ADAMTSL4: variants seen among roughly 807,000 people sequenced by gnomAD.
The protein encoded by ADAMTSL4 is ADAMTS-like protein 4.
A neutral mutation model predicts 122.8 loss-of-function variants in ADAMTSL4; 97 were observed. The ratio of observed to expected loss-of-function variants is 0.79; its 90% CI spans 0.67 to 0.93. ADAMTSL4 has a LOEUF of 0.93. ADAMTSL4 is among the 40% of genes least tolerant of loss of function. ADAMTSL4 has a pLI of 0.00. For missense variants in ADAMTSL4, 1,408 were observed against 1,453.5 expected, an observed-to-expected ratio of 0.97 and a Z score of 0.51; for synonymous variants, 592 against 568.0, an observed-to-expected ratio of 1.04 and a Z score of -0.60.
In ADAMTSL4 at chr1:150,556,039, T is replaced by C; in HGVS notation, c.1372-123T>C. On this transcript the variant is annotated intron_variant, in intron 8 of 18. Coordinates refer to ENST00000271643, the MANE Select transcript of ADAMTSL4 (RefSeq NM_019032.6). The surrounding 1 kb of genome is among the most constrained non-coding windows in gnomAD (Gnocchi z 4.1). ...GGTCTGGCTGGGGATGGTGGGGCTG[T>C]TTTTGTGCTCTCACTTGTGGCACAA... The C allele has an allele frequency of 9.6e-7, 1 of 1,043,430 alleles. No individual in the cohort carries two copies. 64.6% of individuals were successfully genotyped at this position (1,043,430 alleles called of 1,614,324 possible). A position where few individuals can be genotyped will look rare whatever the true frequency, so the allele number is the denominator to read the frequency against.
In ADAMTSL4 at chr1:150,558,949, T is replaced by C; in HGVS notation, c.2560-13T>C. On this transcript the variant is annotated splice_polypyrimidine_tract_variant and intron_variant, in intron 15 of 18. Transcript: ENST00000271643. Reference sequence around the variant, plus strand: ...AGCAGGCCCCTCACACAGGCCGCTCTCCTCCTCCGCAGTGCTCAGCCGAGT... The same window carrying C: ...AGCAGGCCCCTCACACAGGCCGCTCCCCTCCTCCGCAGTGCTCAGCCGAGT... 1 of 1,584,714 alleles carries C rather than the reference T, an allele frequency of 6.3e-7. No individual in the cohort carries two copies. The highest frequency in any genetic ancestry group is 1.8e-5 in the Admixed American group (1 of 56,946).
Position 150,559,566 on chromosome 1 carries a change from A to C in ADAMTSL4, c.2943+100A>C. 6.3e-7 allele frequency: 1 copy of C among 1,577,800 alleles called. No individual in the cohort carries two copies. Among genetic ancestry groups the C allele is most frequent in the Non-Finnish European group, 8.6e-7 (1 of 1,159,394 alleles). On this transcript the variant is annotated intron_variant, in intron 17 of 18. Transcript: ENST00000271643. The surrounding 1 kb of genome is among the most constrained non-coding windows in gnomAD (Gnocchi z 4.1). ...CCCTCCAGGTCTCTCTGTGCCCCAG[A>C]ATAAGCCCAGCCAAGCGTTACCACT...
chr1:150,553,979 C>G lies in ADAMTSL4; in HGVS notation c.988C>G (p.Pro330Ala). Residue 330 changes from proline (P) to alanine (A), a missense_variant, in exon 6 of 19, where the codon CCT (proline) becomes GCT (alanine). Physicochemically the swap from Pro to Ala is conservative, Grantham distance 27. Transcript: ENST00000271643. ...GGTPHGPRLE[P>A]DPQHPGAWLP... is the part of the protein sequence containing the mutation. Reference sequence around the variant, plus strand: ...GACTCCTCACGGGCCCCGCCTGGAGCCTGACCCTCAGCACCCGGGCGCCTG... The same window carrying G: ...GACTCCTCACGGGCCCCGCCTGGAGGCTGACCCTCAGCACCCGGGCGCCTG... The G allele has an allele frequency of 6.2e-7, 1 of 1,611,470 alleles. No homozygotes were observed. The highest frequency in any genetic ancestry group is 8.5e-7 in the Non-Finnish European group (1 of 1,179,336).
chr1:150,560,042 G>A lies in ADAMTSL4; in HGVS notation c.3089-18G>A. The A allele has an allele frequency of 6.2e-7, 1 of 1,614,050 alleles. No individual in the cohort carries two copies. Among genetic ancestry groups the A allele is most frequent in the Non-Finnish European group, 8.5e-7 (1 of 1,180,014 alleles). ...TCCTGGTGACTCTCTTGTGCCCACT[G>A]GCCTCCTCTGTCCCCAGATGATCAA... is the stretch of plus-strand genomic sequence containing the variant. On this transcript the variant is annotated intron_variant, in intron 18 of 18. Transcript: ENST00000271643.
Position 150,553,851 on chromosome 1 carries a change from A to G in ADAMTSL4, c.860A>G (p.Gln287Arg). 1.2e-6 allele frequency: 2 copies of G among 1,614,042 alleles called. No individual in the cohort carries two copies. Among genetic ancestry groups the G allele is most frequent in the African/African-American group, 1.3e-5 (1 of 75,014 alleles). The change falls in exon 6 of 19, where the codon CAG becomes CGG. Residue 287 changes from glutamine (Q) to arginine (R), a missense_variant. Physicochemically the swap from Gln to Arg is conservative, Grantham distance 43. Transcript: ENST00000271643. ...ASPQPRRPSS[Q>R]GWASPQVAGR... is the part of the protein sequence containing the mutation. ...CCTCAGCCACGAAGGCCAAGTTCCC[A>G]GGGTTGGGCCAGTCCCCAGGTAGCA...
Position 150,560,133 on chromosome 1 carries a change from C to CT in ADAMTSL4, c.3162_3163insT (p.Thr1055TyrfsTer44). 1.9e-6 allele frequency: 3 copies of CT among 1,614,126 alleles called. No homozygotes were observed. Among genetic ancestry groups the CT allele is most frequent in the Non-Finnish European group, 2.5e-6 (3 of 1,180,028 alleles). ...CCCGGCTCTGCGTCTACCCCTACTACACAGCCACCTGTTGCCGCTCTTGCG... is the reference window on the plus strand; with the variant it reads ...CCCGGCTCTGCGTCTACCCCTACTACTACAGCCACCTGTTGCCGCTCTTGCG... On this transcript the variant is annotated frameshift_variant, in exon 19 of 19. Transcript: ENST00000271643. LOFTEE classifies it high-confidence loss of function.
chr1:150,554,387 A>AC lies in ADAMTSL4; in HGVS notation c.1159dup (p.Arg387ProfsTer9), dbSNP rs771243690. The stretch of plus-strand genomic sequence containing the variant: ...CAGCCCTGCCCCCCTGAGCAGCCAG[A>AC]CCCCCGGGCCCTGCAGTGCGCAGCC... On this transcript the variant is annotated frameshift_variant, in exon 7 of 19. Transcript: ENST00000271643. LOFTEE classifies it high-confidence loss of function. This position sits in a 1 kb window ranked among gnomAD's most constrained non-coding sequence, Gnocchi z 4.0. The AC allele has an allele frequency of 6.2e-6, 10 of 1,612,694 alleles. No homozygotes were observed. The African/African-American group carries it at 1.1e-4, about 17-fold the overall frequency.
Position 150,559,902 on chromosome 1 carries a change from C to T in ADAMTSL4, c.3085C>T (p.Pro1029Ser), listed in dbSNP as rs913707339. The T allele has an allele frequency of 3.0e-5, 49 of 1,613,806 alleles. No individual in the cohort carries two copies. The highest frequency in any genetic ancestry group is 3.9e-5 in the Non-Finnish European group (46 of 1,180,016). ...TAACAGCCAACCCTGCAGCCAGCGC[C>T]CTGGTAAAGAGCCCCCTCTCCCCAA... Reference protein sequence around the residue: ...PCNSQPCSQRPDDQCKDSSPH... With the variant: ...PCNSQPCSQRSDDQCKDSSPH... Residue 1029 changes from proline (P) to serine (S), a missense_variant, in exon 18 of 19, where the codon CCT (proline) becomes TCT (serine). Pro to Ser is a moderately conservative substitution (Grantham distance 74). Transcript: ENST00000271643. This position sits in a 1 kb window ranked among gnomAD's most constrained non-coding sequence, Gnocchi z 4.1.
At chr1:150,555,170 A>G (rs1377822103) in intron 7 of ADAMTSL4, among the ~76,000 whole-genome samples, 1 of 151,872 alleles carries the variant, frequency 6.6e-6, no homozygotes, top group East Asian at 1.9e-4. Flanking sequence ...TTGTATTTGT[A>G]GTGGAGATGG....
chr1:150,559,899 C>T lies in ADAMTSL4; in HGVS notation c.3082C>T (p.Arg1028Cys), dbSNP rs757835163. 8.7e-6 allele frequency: 14 copies of T among 1,613,758 alleles called. 1 individual carries two copies. In the Middle Eastern group the frequency reaches 6.6e-4, roughly 76 times the overall value. Reference sequence around the variant, plus strand: ...CTGTAACAGCCAACCCTGCAGCCAGCGCCCTGGTAAAGAGCCCCCTCTCCC... The same window carrying T: ...CTGTAACAGCCAACCCTGCAGCCAGTGCCCTGGTAAAGAGCCCCCTCTCCC... ...RPCNSQPCSQRPDDQCKDSSP... is the reference protein window; with the variant it reads ...RPCNSQPCSQCPDDQCKDSSP... The change falls in exon 18 of 19, where the codon CGC becomes TGC. Residue 1028 changes from arginine (R) to cysteine (C), a missense_variant. Physicochemically the swap from Arg to Cys is radical, Grantham distance 180. Coordinates refer to ENST00000271643, the MANE Select transcript of ADAMTSL4 (RefSeq NM_019032.6). This position sits in a 1 kb window ranked among gnomAD's most constrained non-coding sequence, Gnocchi z 4.1.
rs137991896 is a variant in ADAMTSL4 at position 150,558,034 on chromosome 1, G to A, written c.2267G>A (p.Gly756Glu). 1.4e-5 allele frequency: 23 copies of A among 1,612,746 alleles called. No individual in the cohort carries two copies. The highest frequency in any genetic ancestry group is 1.7e-6 in the Non-Finnish European group (2 of 1,179,902). ...RQLQCRQEFG[G>E]GGSSVPPERC... ...CTGCAGTGCCGGCAGGAATTTGGGG[G>A]GGGTGGCTCCTCGGTGCCCCCGGAG... is the stretch of plus-strand genomic sequence containing the variant. Residue 756 changes from glycine (G) to glutamate (E), a missense_variant, in exon 14 of 19, where the codon GGG (glycine) becomes GAG (glutamate). Physicochemically the swap from Gly to Glu is moderately conservative, Grantham distance 98. Coordinates refer to ENST00000271643, the MANE Select transcript of ADAMTSL4 (RefSeq NM_019032.6).
At position 150,557,198 on chromosome 1, in the gene ADAMTSL4, G is replaced by A. The variant is rs587752866; in HGVS notation, c.1910G>A (p.Arg637Gln). Residue 637 changes from arginine to glutamine, a missense_variant, in exon 12 of 19, where the codon CGG becomes CAG. By Grantham distance (43) the Arg-to-Gln change is conservative (BLOSUM62 1). Coordinates refer to ENST00000271643, the MANE Select transcript of ADAMTSL4 (RefSeq NM_019032.6). The part of the protein sequence containing the change: ...PPLAPAPRPA[R>Q]TPGTLQRQVR... ...CTTGCTCCGGCACCCCGCCCAGCCC[G>A]GACCCCAGGCACCCTCCAGCGTCAG... 22 of 1,597,434 alleles carry A rather than the reference G, an allele frequency of 1.4e-5. No homozygotes were observed. The highest frequency in any genetic ancestry group is 8.4e-5 in the Admixed American group (5 of 59,742).
In ADAMTSL4 at chr1:150,555,833, A is replaced by T. The variant is rs61819442; in HGVS notation, c.1371+268A>T. ...CACATGCACACACACGTATGCAGACACATGCACACACATGTAGACACACAT... is the reference window on the plus strand; with the variant it reads ...CACATGCACACACACGTATGCAGACTCATGCACACACATGTAGACACACAT... On this transcript the variant is annotated intron_variant, in intron 8 of 18. Coordinates refer to ENST00000271643, the MANE Select transcript of ADAMTSL4 (RefSeq NM_019032.6). The T allele has an allele frequency of 0.027, 16,795 of 612,422 alleles. 300 individuals are homozygous for T. Among genetic ancestry groups the T allele is most frequent in the Non-Finnish European group, 0.036 (12,213 of 340,654 alleles). 37.9% of individuals were successfully genotyped at this position (612,422 alleles called of 1,614,324 possible).
chr1:150,558,251 A>T (rs1672406441), intron 14 of ADAMTSL4, 102 bp downstream of exon 14: 1 of 1,577,686 alleles, frequency 6.3e-7, no homozygotes, highest in East Asian at 2.3e-5. Flanking sequence ...AACTATTTAC[A>T]AACAGGGTTT....
rs41317519 is a variant in ADAMTSL4, at chr1:150,554,155, G to A, written c.1131+33G>A. On this transcript the variant is annotated intron_variant, in intron 6 of 18. Coordinates refer to ENST00000271643, the MANE Select transcript of ADAMTSL4 (RefSeq NM_019032.6). This position sits in a 1 kb window ranked among gnomAD's most constrained non-coding sequence, Gnocchi z 4.0. ...TCCTCGGGCCTCCCCTCCCAACCCC[G>A]ACCTCCAGTGTGGCTTCCCTGCCCT... 24 of 1,595,148 alleles carry A rather than the reference G, an allele frequency of 1.5e-5. No homozygotes were observed. Among genetic ancestry groups the A allele is most frequent in the Non-Finnish European group, 1.6e-5 (19 of 1,177,840 alleles).
At position 150,558,038 on chromosome 1, in the gene ADAMTSL4, T is replaced by A; in HGVS notation, c.2271T>A (p.Gly757=). 6.2e-7 allele frequency: 1 copy of A among 1,611,950 alleles called. No individual in the cohort carries two copies. The part of the protein sequence containing the change: ...QLQCRQEFGG[G]GSSVPPERCG... ...AGTGCCGGCAGGAATTTGGGGGGGG[T>A]GGCTCCTCGGTGCCCCCGGAGCGCT... is the stretch of plus-strand genomic sequence containing the variant. The change falls in exon 14 of 19, where the codon GGT becomes GGA. Residue 757 remains glycine, a synonymous_variant. Coordinates refer to ENST00000271643, the MANE Select transcript of ADAMTSL4 (RefSeq NM_019032.6).
Position 150,560,508 on chromosome 1 carries a change from T to C in ADAMTSL4, c.*312T>C. On this transcript the variant is annotated 3_prime_UTR_variant, in exon 19 of 19. Coordinates refer to ENST00000271643, the MANE Select transcript of ADAMTSL4 (RefSeq NM_019032.6). ...CTGAGAAGGACAAGACCTGTTTCCT[T>C]GAGACTTTCCTAGGTGGAAAGGAAA... The C allele has an allele frequency of 2.3e-6, 1 of 429,128 alleles. No individual in the cohort carries two copies. Among genetic ancestry groups the C allele is most frequent in the Non-Finnish European group, 4.3e-6 (1 of 231,922 alleles). The allele number at this position is 429,128 out of a possible 1,614,324, so 26.6% of individuals were successfully genotyped here. A position where few individuals can be genotyped will look rare whatever the true frequency, so the allele number is the denominator to read the frequency against.
rs753155445 is a variant in ADAMTSL4 at position 150,559,091 on chromosome 1, C to A, written c.2689C>A (p.Pro897Thr). 5 of 1,612,764 alleles carry A rather than the reference C, an allele frequency of 3.1e-6. No individual in the cohort carries two copies. The highest frequency in any genetic ancestry group is 1.7e-5 in the Admixed American group (1 of 59,986). ...GCAGAGCTGTCCAACAGGAAGCCGGCCCCCTGACATGCGCGCCTGCAGCCT... is the reference window on the plus strand; with the variant it reads ...GCAGAGCTGTCCAACAGGAAGCCGGACCCCTGACATGCGCGCCTGCAGCCT... ...TGQSCPTGSR[P>T]PDMRACSLGP... Residue 897 changes from proline (P) to threonine (T), a missense_variant, in exon 16 of 19, where the codon CCC becomes ACC. By Grantham distance (38) the Pro-to-Thr change is conservative (BLOSUM62 -1). Transcript: ENST00000271643. The surrounding 1 kb of genome is among the most constrained non-coding windows in gnomAD (Gnocchi z 4.1).
At position 150,556,544 on chromosome 1, in the gene ADAMTSL4, T is replaced by C. The variant is rs111530271; in HGVS notation, c.1577-77T>C. 22 of 1,600,576 alleles carry C rather than the reference T, an allele frequency of 1.4e-5. No homozygotes were observed. The highest frequency in any genetic ancestry group is 1.3e-4 in the African/African-American group (10 of 74,712). ...TCTTAGGTTCTGGTGGGAGCTTCTA[T>C]AGGCTAAGGACACGGTGTGGGAGGA... is the stretch of plus-strand genomic sequence containing the variant. On this transcript the variant is annotated intron_variant, in intron 9 of 18. Coordinates refer to ENST00000271643, the MANE Select transcript of ADAMTSL4 (RefSeq NM_019032.6). This position sits in a 1 kb window ranked among gnomAD's most constrained non-coding sequence, Gnocchi z 4.1.
Sources: gnomAD v4.1 joint callset for allele counts (sites outside exome capture counted in the v4.1 genomes callset) on GRCh38, gnomAD v4.1.1 for gene constraint, Gnocchi (gnomAD v3.1) non-coding constraint, MANE v1.5 for transcripts, NCBI Gene and HGNC (gene_info 2026-07-23, HGNC 2026-07-21) for gene names.